CLCN3: variants seen among roughly 807,000 people sequenced by gnomAD.
The protein encoded by CLCN3 is H(+)/Cl(-) exchange transporter 3.
Under a neutral mutation model 83.4 loss-of-function variants are expected in CLCN3, and 16 were observed. That is an observed-to-expected ratio of 0.19 (90% CI 0.13 to 0.29). The LOEUF (loss-of-function observed/expected upper bound fraction) is 0.29, where lower values mean the gene tolerates loss of function less well. Among genes scored for constraint, CLCN3 ranks in the 10% least tolerant of loss-of-function variants. The pLI is 1.00. For synonymous variants in CLCN3, 322 were observed against 346.2 expected (o/e 0.93, Z 0.78); for missense variants, 544 against 1,006.0 (o/e 0.54, Z 6.21).
intron 6 of CLCN3, among the ~76,000 whole-genome samples, chr4:169,691,332 A>G (rs551283533): frequency 5.3e-5 from 8 of 152,102 alleles, no homozygotes; most frequent in African/African-American, 1.9e-4. Context: ...CCTGATTTTG[A>G]TTCATTCACT....
At chr4:169,719,317 C>A (rs1733545035) in intron 12 of CLCN3, among the ~76,000 whole-genome samples, 1 of 152,098 alleles carries the variant, frequency 6.6e-6, no homozygotes, top group Admixed American at 6.6e-5. Flanking sequence ...ATAATTGGGG[C>A]ATGGTGGCAC....
intron 2 of CLCN3, among the ~76,000 whole-genome samples, chr4:169,679,496 G>A (rs1333291014): frequency 2.6e-5 from 4 of 152,276 alleles, no homozygotes; most frequent in East Asian, 1.9e-4. Flanking sequence ...GGTGGCGGCC[G>A]GGCAGAGGCT....
At chr4:169,634,138 C>T (rs141485839) in intron 1 of CLCN3, among the ~76,000 whole-genome samples, 1 of 152,186 alleles carries the variant, frequency 6.6e-6, no homozygotes, top group East Asian at 1.9e-4. Context: ...TTCCAGTTAC[C>T]ACTTACGATT....
intron 9 of CLCN3, among the ~76,000 whole-genome samples, chr4:169,703,093 C>T (rs914449323): frequency 5.9e-5 from 9 of 152,142 alleles, no homozygotes; most frequent in Non-Finnish European, 1.0e-4. Flanking sequence ...ACAACTGTAA[C>T]AGGAACATCA....
intron 1 of CLCN3, among the ~76,000 whole-genome samples, chr4:169,627,940 CATAG>C (rs1266367375): frequency 6.6e-6 from 1 of 152,106 alleles, no homozygotes; most frequent in African/African-American, 2.4e-5. Context: ...GTGGTATGGG[CATAG>C]ATAAAGACAC....
chr4:169,718,001 G>C lies in CLCN3; in HGVS notation c.2367-1906G>C, dbSNP rs931220135. 49 of 541,302 alleles carry C rather than the reference G, an allele frequency of 9.1e-5. 1 individual carries two copies. Among genetic ancestry groups the C allele is most frequent in the Non-Finnish European group, 1.4e-4 (41 of 295,914 alleles). The allele number at this position is 541,302 out of a possible 1,614,324, so 33.5% of individuals were successfully genotyped here. Reference sequence around the variant, plus strand: ...TCCTACTATGCTGCCAATTACATTTGTATCTGATAAAATGTGTCTGTAAGA... The same window carrying C: ...TCCTACTATGCTGCCAATTACATTTCTATCTGATAAAATGTGTCTGTAAGA... On this transcript the variant is annotated intron_variant, in intron 12 of 12. Transcript: ENST00000513761.
chr4:169,701,096 T>C (rs1320536176), intron 9 of CLCN3, among the ~76,000 whole-genome samples: 3 of 152,226 alleles, frequency 2.0e-5, no homozygotes, highest in South Asian at 4.1e-4. Flanking sequence ...GACCTTCTTT[T>C]CAAAATTAGA....
chr4:169,680,400 T>C (rs545623837), intron 3 of CLCN3, 193 bp downstream of exon 3: 3 of 451,272 alleles, frequency 6.6e-6, no homozygotes, highest in East Asian at 7.4e-5. Flanking sequence ...CCTGTAACTT[T>C]CCAGAAAGGA....
intron 2 of CLCN3, among the ~76,000 whole-genome samples, chr4:169,636,735 G>GTTGTT (rs1553965336): frequency 0.058 from 6,932 of 119,182 alleles, 331 homozygotes; most frequent in African/African-American, 0.11. Context: ...TCATTATTTG[G>GTTGTT]TTTTTTTTTT....
intron 2 of CLCN3, among the ~76,000 whole-genome samples, chr4:169,672,623 T>C (rs533018178): frequency 1.3e-5 from 2 of 152,262 alleles, no homozygotes; most frequent in South Asian, 2.1e-4. Flanking sequence ...TTTGTACTTA[T>C]CTCATTTTAG....
intron 2 of CLCN3, among the ~76,000 whole-genome samples, chr4:169,675,056 T>TAA (rs1731622945): frequency 6.6e-6 from 1 of 152,232 alleles, no homozygotes; most frequent in Admixed American, 6.5e-5. Context: ...AGGCAGGCAT[T>TAA]TAAATGTAAT....
chr4:169,699,593 GA>G (rs1732695506), intron 9 of CLCN3, among the ~76,000 whole-genome samples: 3 of 151,960 alleles, frequency 2.0e-5, no homozygotes, highest in Non-Finnish European at 4.4e-5. Flanking sequence ...TTAAATAATA[GA>G]AAAGCCTGGC....
intron 2 of CLCN3, among the ~76,000 whole-genome samples, chr4:169,671,399 A>G (rs1484180964): frequency 6.6e-6 from 1 of 152,174 alleles, no homozygotes; most frequent in Non-Finnish European, 1.5e-5. Context: ...TTGAACAATG[A>G]GAGCACATGG....
chr4:169,694,197 C>T (rs6846923), intron 7 of CLCN3, among the ~76,000 whole-genome samples: 150,519 of 152,344 alleles, frequency 0.99, 74,378 homozygotes, highest in East Asian at 1. Flanking sequence ...TATTTATTTA[C>T]TTTTAATTCA....
intron 3 of CLCN3, 26 bp from the exon 4 acceptor site, chr4:169,687,632 T>C (rs1019104616): frequency 5.4e-6 from 8 of 1,485,444 alleles, no homozygotes; most frequent in Non-Finnish European, 4.7e-6. Flanking sequence ...GTTGGAAAAA[T>C]GAAGCATAAA....
At position 169,707,235 on chromosome 4, in the gene CLCN3, T is replaced by C; in HGVS notation, c.2118T>C (p.Phe706=). ...MSKESQRLVG[F]ALRRDLTIAI... is the part of the protein sequence containing the mutation. ...AAGAATCTCAGAGATTAGTGGGATT[T>C]GCCCTCAGAAGAGACCTGACAATTG... Residue 706 remains phenylalanine, a synonymous_variant, in exon 11 of 13, where the codon TTT becomes TTC. Transcript: ENST00000513761. 6.2e-7 allele frequency: 1 copy of C among 1,612,466 alleles called. No individual in the cohort carries two copies. Among genetic ancestry groups the C allele is most frequent in the Non-Finnish European group, 8.5e-7 (1 of 1,179,210 alleles).
At chr4:169,625,080 T>A (rs1773198906) in intron 1 of CLCN3, among the ~76,000 whole-genome samples, 1 of 152,198 alleles carries the variant, frequency 6.6e-6, no homozygotes, top group African/African-American at 2.4e-5. Flanking sequence ...TGTGAGCCAC[T>A]GCACCTGGCC....
chr4:169,701,862 C>A (rs1345620897), intron 9 of CLCN3, among the ~76,000 whole-genome samples: 3 of 152,126 alleles, frequency 2.0e-5, no homozygotes, highest in Admixed American at 2.0e-4. Context: ...TCCATTGATT[C>A]TTCTTTTGGG....
intron 11 of CLCN3, among the ~76,000 whole-genome samples, chr4:169,710,430 T>A (rs184676783): frequency 6.7e-4 from 102 of 152,276 alleles, no homozygotes; most frequent in African/African-American, 2.4e-3. Context: ...CATGACTGGC[T>A]AATTTTTGTA....
Sources: gnomAD v4.1 joint callset for allele counts (sites outside exome capture counted in the v4.1 genomes callset) on GRCh38, gnomAD v4.1.1 for gene constraint, MANE v1.5 for transcripts, NCBI Gene and HGNC (gene_info 2026-07-23, HGNC 2026-07-21) for gene names.